ZC3H12B: variants seen among roughly 807,000 people sequenced by gnomAD.
ZC3H12B encodes probable ribonuclease ZC3H12B.
ZC3H12B carries 7 observed loss-of-function variants against 43.9 expected under a neutral mutation model. The ratio of observed to expected loss-of-function variants is 0.16; its 90% CI spans 0.09 to 0.30. The LOEUF is 0.30. Among genes scored for constraint, ZC3H12B ranks in the 10% least tolerant of loss-of-function variants. The pLI is 1.00. For missense variants in ZC3H12B, 475 were observed against 670.2 expected (o/e 0.71, Z 3.22); for synonymous variants, 222 against 241.7 (o/e 0.92, Z 0.76).
At chrX:65,224,831 C>A in the ZC3H12B span, among the ~76,000 whole-genome samples, 1 of 111,913 alleles carries the variant, frequency 8.9e-6, no homozygotes, top group Non-Finnish European at 1.9e-5. Context: ...GAAGGGTGCC[C>A]GCCATTGCCA....
At chrX:65,059,972 T>C in the ZC3H12B span, among the ~76,000 whole-genome samples, 4 of 112,438 alleles carry the variant, frequency 3.6e-5, no homozygotes, top group Non-Finnish European at 7.5e-5. Context: ...ATTTTATGCA[T>C]GGCTATCGTA....
rs766473095 is a variant in ZC3H12B, at chrX:65,402,388, A to C, written n.407+3684A>C. On this transcript the variant is annotated intron_variant and non_coding_transcript_variant, in intron 3 of 5. Transcript: ENST00000617377. ...AGGGACCCACCTGGGACCTGGGAGAACTCACTTCCCTGAAGGGAAGGACAC... is the reference window on the plus strand; with the variant it reads ...AGGGACCCACCTGGGACCTGGGAGACCTCACTTCCCTGAAGGGAAGGACAC... 3.6e-5 allele frequency among the ~76,000 whole-genome samples: 4 copies of C among 111,824 alleles called. No individual in the cohort carries two copies. The South Asian group carries it at 1.5e-3, about 42-fold the overall frequency.
At chrX:65,451,399 G>C (rs993766115) in intron 3 of ZC3H12B, among the ~76,000 whole-genome samples, 1 of 111,877 alleles carries the variant, frequency 8.9e-6, no homozygotes, top group African/African-American at 3.2e-5. Flanking sequence ...GTCAGATAAT[G>C]CATAAGTCTT....
chrX:65,069,078 G>A, the ZC3H12B span, among the ~76,000 whole-genome samples: 2 of 109,468 alleles, frequency 1.8e-5, no homozygotes, highest in African/African-American at 3.3e-5. Flanking sequence ...ATCTTTGGGA[G>A]TTTGATTATT....
chrX:65,209,859 A>G, the ZC3H12B span, among the ~76,000 whole-genome samples: 1 of 99,699 alleles, frequency 1.0e-5, no homozygotes, highest in Non-Finnish European at 2.0e-5. Context: ...AAAACTGGCT[A>G]GCCATATGTA....
the ZC3H12B span, among the ~76,000 whole-genome samples, chrX:65,115,686 C>T: frequency 9.0e-6 from 1 of 111,329 alleles, no homozygotes; most frequent in East Asian, 2.8e-4. Context: ...GTATAAAAGC[C>T]TTCCCTTTTC....
chrX:65,157,599 T>A, the ZC3H12B span, among the ~76,000 whole-genome samples: 1 of 111,541 alleles, frequency 9.0e-6, no homozygotes, highest in Admixed American at 9.6e-5. Context: ...TTACTATGTT[T>A]AAATATGTCC....
intron 3 of ZC3H12B, among the ~76,000 whole-genome samples, chrX:65,467,940 G>T (rs1040266161): frequency 8.9e-6 from 1 of 112,244 alleles, no homozygotes; most frequent in Non-Finnish European, 1.9e-5. Context: ...TTCATTTGCT[G>T]TGCAGAAGCT....
the ZC3H12B span, among the ~76,000 whole-genome samples, chrX:65,107,034 A>G: frequency 9.0e-6 from 1 of 111,275 alleles, no homozygotes; most frequent in Admixed American, 9.6e-5. Context: ...GTAGGTTGAG[A>G]TTGGAGATCT....
At chrX:65,081,329 G>T in the ZC3H12B span, among the ~76,000 whole-genome samples, 5 of 110,374 alleles carry the variant, frequency 4.5e-5, no homozygotes, top group South Asian at 3.8e-4. Context: ...TGAATCAAAA[G>T]ATGTAGAGAG....
the ZC3H12B span, among the ~76,000 whole-genome samples, chrX:65,219,211 A>T: frequency 8.9e-6 from 1 of 111,825 alleles, no homozygotes; most frequent in Non-Finnish European, 1.9e-5. Context: ...GACATAGTCT[A>T]CCCAAATGAG....
the ZC3H12B span, among the ~76,000 whole-genome samples, chrX:65,346,606 C>A: frequency 9.3e-4 from 104 of 111,881 alleles, 3 homozygotes; most frequent in East Asian, 0.027. Context: ...TGTAACAAAA[C>A]CAAAAATTGA....
chrX:65,408,618 T>C lies in ZC3H12B; in HGVS notation n.407+9914T>C. On this transcript the variant is annotated intron_variant and non_coding_transcript_variant, in intron 3 of 5. Coordinates refer to the ZC3H12B transcript ENST00000617377. ...CTGAGTGGGCAATCTCACTTGGCAA[T>C]AAAAGATGACAAGAAGCATCAAGAT... 5 of 1,111,895 alleles carry C rather than the reference T, an allele frequency of 4.5e-6. No homozygotes were observed. In the South Asian group the frequency reaches 9.5e-5, roughly 21 times the overall value. 91.6% of individuals were successfully genotyped at this position (1,111,895 alleles called of 1,213,427 possible).
intron 3 of ZC3H12B, chrX:65,408,614 G>A: frequency 8.9e-7 from 1 of 1,118,673 alleles, no homozygotes; most frequent in South Asian, 1.9e-5. Flanking sequence ...ATCTCACTTG[G>A]CAATAAAAGA....
chrX:65,057,740 C>G, the ZC3H12B span, among the ~76,000 whole-genome samples: 2 of 111,869 alleles, frequency 1.8e-5, no homozygotes, highest in Non-Finnish European at 3.8e-5. Context: ...TAGATTTGGT[C>G]TTTTCATATA....
chrX:65,493,072 C>A (rs1465778983), intron 1 of ZC3H12B, among the ~76,000 whole-genome samples: 1 of 110,773 alleles, frequency 9.0e-6, no homozygotes, highest in Admixed American at 9.7e-5. Flanking sequence ...CCACTGCACT[C>A]CAACCTGGGT....
intron 3 of ZC3H12B, among the ~76,000 whole-genome samples, chrX:65,438,786 G>A (rs897752036): frequency 1.8e-5 from 2 of 113,329 alleles, no homozygotes; most frequent in Non-Finnish European, 3.7e-5. Context: ...CGCCCTGGGC[G>A]GGCCAGGTGT....
the ZC3H12B span, among the ~76,000 whole-genome samples, chrX:65,340,338 C>T: frequency 6.2e-5 from 7 of 112,167 alleles, no homozygotes; most frequent in African/African-American, 2.3e-4. Flanking sequence ...TGATGGCACC[C>T]TGCCACAGCC....
At chrX:65,246,309 C>A in the ZC3H12B span, among the ~76,000 whole-genome samples, 1 of 111,898 alleles carries the variant, frequency 8.9e-6, no homozygotes, top group Non-Finnish European at 1.9e-5. Context: ...TAGGAATAAT[C>A]AATATTATTA....
Sources: allele counts gnomAD v4.1 joint callset (sites outside exome capture counted in the v4.1 genomes callset), GRCh38; gene constraint gnomAD v4.1.1; transcripts MANE v1.5; gene names NCBI Gene and HGNC (gene_info 2026-07-23, HGNC 2026-07-21).